RYR3: variants seen among roughly 807,000 people sequenced by gnomAD.
RYR3 encodes the protein ryanodine receptor 3.
In RYR3, 207 loss-of-function variants were observed where a neutral mutation model predicts 584.3. That is an observed-to-expected ratio of 0.35 (90% CI 0.32 to 0.40). The LOEUF (loss-of-function observed/expected upper bound fraction) is 0.40. Among genes scored for constraint, RYR3 ranks in the 10% least tolerant of loss-of-function variants. The probability of loss-of-function intolerance (pLI) is 1.00; values close to 1 mark genes in which losing one functional copy is unlikely to be tolerated. For missense variants in RYR3, 5,616 were observed against 6,089.2 expected (o/e 0.92, Z 2.59); for synonymous variants, 2,416 against 2,248.5 (o/e 1.07, Z -2.11).
intron 1 of RYR3, among the ~76,000 whole-genome samples, chr15:33,317,292 T>C (rs539851624): frequency 3.9e-5 from 6 of 152,300 alleles, no homozygotes; most frequent in African/African-American, 1.4e-4. Context: ...GCTTTAGTCA[T>C]GTCTGCTCAG....
At chr15:33,613,048 C>T in intron 18 of RYR3, 135 bp from the exon 19 acceptor site, 2 of 624,836 alleles carry the variant, frequency 3.2e-6, no homozygotes, top group Non-Finnish European at 5.7e-6. Flanking sequence ...AGTTGCATTT[C>T]AAATGCAGTA....
intron 65 of RYR3, among the ~76,000 whole-genome samples, chr15:33,782,841 T>C (rs2074466253): frequency 6.6e-6 from 1 of 152,198 alleles, no homozygotes; most frequent in Non-Finnish European, 1.5e-5. Context: ...CCAAAAATTA[T>C]TAAGATATAC....
At chr15:33,683,238 C>T (rs954684988) in intron 38 of RYR3, among the ~76,000 whole-genome samples, 1 of 152,054 alleles carries the variant, frequency 6.6e-6, no homozygotes, top group Non-Finnish European at 1.5e-5. Context: ...TCATGATCCA[C>T]CTGCCTTGGC....
chr15:33,809,459 C>T (rs1480889274), intron 70 of RYR3, among the ~76,000 whole-genome samples: 5 of 152,136 alleles, frequency 3.3e-5, no homozygotes, highest in African/African-American at 1.2e-4. Flanking sequence ...GTCTCTGGAA[C>T]CTGGAATCAT....
At chr15:33,728,642 G>A (rs1567040322) in intron 46 of RYR3, among the ~76,000 whole-genome samples, 1 of 152,152 alleles carries the variant, frequency 6.6e-6, no homozygotes, top group Non-Finnish European at 1.5e-5. Flanking sequence ...ATACTCATGA[G>A]CATTTCCATT....
rs1196843917 is a variant in RYR3, at chr15:33,696,292, G to A, written c.5935G>A (p.Val1979Ile). The A allele has an allele frequency of 1.9e-6, 3 of 1,613,782 alleles. No homozygotes were observed. Among genetic ancestry groups the A allele is most frequent in the East Asian group, 2.2e-5 (1 of 44,852 alleles). The stretch of plus-strand genomic sequence containing the variant: ...GGACCAGATCCAGGATTCAGAGCTG[G>A]TCCGAATGATGTTCAACCTCCTCCG... ...QEDQIQDSELVRMMFNLLRRQ... is the reference protein window; with the variant it reads ...QEDQIQDSELIRMMFNLLRRQ... Residue 1979 changes from valine to isoleucine, a missense_variant, in exon 39 of 104, where the codon GTC becomes ATC. Physicochemically the swap from Val to Ile is conservative, Grantham distance 29. Transcript: ENST00000634891.
At chr15:33,726,334 G>A in intron 45 of RYR3, 52 bp from the exon 46 acceptor site, 2 of 1,603,666 alleles carry the variant, frequency 1.2e-6, no homozygotes, top group Non-Finnish European at 1.7e-6. Flanking sequence ...TGGGGTGGAG[G>A]GAGGTGTGGG....
intron 4 of RYR3, among the ~76,000 whole-genome samples, chr15:33,531,288 G>C (rs994958324): frequency 4.6e-5 from 7 of 151,628 alleles, no homozygotes; most frequent in Non-Finnish European, 1.0e-4. Flanking sequence ...AATGTAACTT[G>C]AAAAAATTGC....
intron 15 of RYR3, among the ~76,000 whole-genome samples, chr15:33,585,488 G>T (rs1321040405): frequency 6.6e-6 from 1 of 152,082 alleles, no homozygotes; most frequent in African/African-American, 2.4e-5. Context: ...AGACTTTATT[G>T]TGTGAGCTTA....
chr15:33,864,767 G>C (rs1160297898), intron 103 of RYR3: 1 of 206,546 alleles, frequency 4.8e-6, no homozygotes, highest in Non-Finnish European at 9.8e-6. Flanking sequence ...CTGGTTTCCA[G>C]CTCTGGATTC....
chr15:33,363,813 G>C (rs1301124739), intron 1 of RYR3, among the ~76,000 whole-genome samples: 2 of 152,124 alleles, frequency 1.3e-5, no homozygotes, highest in Non-Finnish European at 2.9e-5. Flanking sequence ...TGTGGGTCCT[G>C]AGCATTTGAA....
chr15:33,501,817 C>CCCTG (rs2052014583), intron 2 of RYR3, among the ~76,000 whole-genome samples: 1 of 152,150 alleles, frequency 6.6e-6, no homozygotes, highest in Non-Finnish European at 1.5e-5. Context: ...TGAAGCTCTG[C>CCCTG]CCTGCATCAC....
chr15:33,781,036 A>G (rs1390127253), intron 65 of RYR3, among the ~76,000 whole-genome samples: 1 of 152,198 alleles, frequency 6.6e-6, no homozygotes, highest in Non-Finnish European at 1.5e-5. Flanking sequence ...TAGAGGCAGG[A>G]AAGTTTGGCC....
At chr15:33,402,689 A>G (rs943504208) in intron 1 of RYR3, among the ~76,000 whole-genome samples, 8 of 152,258 alleles carry the variant, frequency 5.3e-5, no homozygotes, top group South Asian at 4.1e-4. Context: ...AATCCTGCAC[A>G]GACTAAGAGC....
rs61996329 is a variant in RYR3, at chr15:33,701,041, T to C, written c.6444T>C (p.Asn2148=). The C allele has an allele frequency of 2.1e-3, 3,365 of 1,613,306 alleles. 52 individuals are homozygous for C. In the African/African-American group the frequency reaches 0.039, roughly 19 times the overall value. The change falls in exon 42 of 104, where the codon AAT becomes AAC. Residue 2148 remains asparagine (N), a synonymous_variant. Transcript: ENST00000634891. ...DVAASSVMDN[N]ELALSLEEPD... ...CAGCTTCCTCTGTGATGGACAACAA[T>C]GAGTTAGCGCTGAGCTTAGAGGAAC...
In RYR3 at chr15:33,662,811, G is replaced by C. The variant is rs779231417; in HGVS notation, c.5281G>C (p.Gly1761Arg). 7.4e-6 allele frequency: 12 copies of C among 1,613,962 alleles called. No individual in the cohort carries two copies. The highest frequency in any genetic ancestry group is 1.7e-5 in the Admixed American group (1 of 60,024). ...CTCTGTGTTTGGGGAGCATAGTGCG[G>C]GGACAGAGGAGGGAGCAGAAAAGGA... is the stretch of plus-strand genomic sequence containing the variant. Reference protein sequence around the residue: ...DPSVFGEHSAGTEEGAEKEEV... With the variant: ...DPSVFGEHSARTEEGAEKEEV... Residue 1761 changes from glycine to arginine, a missense_variant, in exon 35 of 104, where the codon GGG becomes CGG. By Grantham distance (125) the Gly-to-Arg change is moderately radical. This residue lies in a region of RYR3 where 753 missense variants were observed against 741.0 expected (regional missense o/e 1.02). Coordinates refer to ENST00000634891, the MANE Select transcript of RYR3 (RefSeq NM_001036.6).
At chr15:33,729,059 C>T (rs2068707382) in intron 47 of RYR3, 33 bp downstream of exon 47, 1 of 1,584,576 alleles carries the variant, frequency 6.3e-7, no homozygotes, top group Non-Finnish European at 8.6e-7. Context: ...AATTATTGTT[C>T]CCATCATTGT....
At chr15:33,515,555 C>T (rs1054220660) in intron 3 of RYR3, among the ~76,000 whole-genome samples, 2 of 152,352 alleles carry the variant, frequency 1.3e-5, no homozygotes, top group Non-Finnish European at 2.9e-5. Context: ...CCCTTCTGAA[C>T]TTCTTACTAT....
At chr15:33,586,535 GGTTT>G (rs1567602540) in intron 16 of RYR3, among the ~76,000 whole-genome samples, 1 of 152,106 alleles carries the variant, frequency 6.6e-6, no homozygotes, top group African/African-American at 2.4e-5. Context: ...TTAGCAACAT[GGTTT>G]GTTATTAAAC....
Sources: allele counts gnomAD v4.1 joint callset (sites outside exome capture counted in the v4.1 genomes callset), GRCh38; gene constraint gnomAD v4.1.1; regional missense constraint gnomAD v4.1.1; transcripts MANE v1.5; gene names NCBI Gene and HGNC (gene_info 2026-07-23, HGNC 2026-07-21).